The following SRPK1 variants were observed in gnomAD, a reference collection of about 807,000 sequenced individuals.
SRPK1 encodes the protein SRSF protein kinase 1.
Under a neutral mutation model 89.5 loss-of-function variants are expected in SRPK1, and 52 were observed. The ratio of observed to expected loss-of-function variants is 0.58; its 90% CI spans 0.46 to 0.73. The LOEUF (loss-of-function observed/expected upper bound fraction) is 0.73. Among genes scored for constraint, SRPK1 ranks in the 30% least tolerant of loss-of-function variants. The pLI, the probability that SRPK1 is intolerant of heterozygous loss-of-function variation, is 0.00. For missense variants in SRPK1, 603 were observed against 780.6 expected (o/e 0.77, Z 2.71); for synonymous variants, 255 against 270.2 (o/e 0.94, Z 0.55).
chr6:35,905,928 A>C (rs1019493723), intron 2 of SRPK1, among the ~76,000 whole-genome samples: 4 of 152,212 alleles, frequency 2.6e-5, no homozygotes, highest in African/African-American at 9.7e-5. Context: ...TCACAGAAAA[A>C]GCATAGAAAC....
intron 5 of SRPK1, 120 bp downstream of exon 5, chr6:35,887,904 T>A (rs1770443425): frequency 1.5e-6 from 1 of 655,128 alleles, no homozygotes. Context: ...TCTTTAAGGT[T>A]ACTAGAACTT....
At chr6:35,885,298 C>CACACACAG (rs1276672274) in intron 6 of SRPK1, among the ~76,000 whole-genome samples, 67 of 113,180 alleles carry the variant, frequency 5.9e-4, no homozygotes, top group African/African-American at 7.6e-4. Context: ...CACACACACA[C>CACACACAG]AGAGAGAGAG....
intron 2 of SRPK1, among the ~76,000 whole-genome samples, chr6:35,892,272 T>C (rs942193679): frequency 6.6e-6 from 1 of 152,216 alleles, no homozygotes; most frequent in African/African-American, 2.4e-5. Flanking sequence ...ACAACTTTTG[T>C]GCACTGAGAA....
intron 6 of SRPK1, among the ~76,000 whole-genome samples, chr6:35,884,032 C>T (rs1280138065): frequency 6.6e-6 from 1 of 151,700 alleles, no homozygotes; most frequent in Non-Finnish European, 1.5e-5. Flanking sequence ...TGCACCCGGC[C>T]CACAAGGTTA....
At chr6:35,847,664 A>G (rs1769454773) in intron 13 of SRPK1, among the ~76,000 whole-genome samples, 1 of 152,172 alleles carries the variant, frequency 6.6e-6, no homozygotes, top group African/African-American at 2.4e-5. Flanking sequence ...AACCAAGAGA[A>G]CAATCCCATT....
At chr6:35,858,834 C>T (rs537430458) in intron 12 of SRPK1, among the ~76,000 whole-genome samples, 7 of 152,174 alleles carry the variant, frequency 4.6e-5, no homozygotes, top group Non-Finnish European at 7.4e-5. Flanking sequence ...TCCCAAATGA[C>T]GTAATGTAGC....
chr6:35,858,394 G>A (rs1309136323), intron 12 of SRPK1, among the ~76,000 whole-genome samples: 1 of 151,882 alleles, frequency 6.6e-6, no homozygotes, highest in Non-Finnish European at 1.5e-5. Context: ...AATGTTGAAA[G>A]TGCACATCAA....
intron 2 of SRPK1, among the ~76,000 whole-genome samples, chr6:35,914,605 C>T (rs1183805989): frequency 6.6e-6 from 1 of 152,132 alleles, no homozygotes; most frequent in East Asian, 1.9e-4. Context: ...CTCCACCTAT[C>T]ACCTAATATA....
intron 14 of SRPK1, among the ~76,000 whole-genome samples, chr6:35,841,216 T>A (rs1347286546): frequency 6.6e-6 from 1 of 152,160 alleles, no homozygotes; most frequent in African/African-American, 2.4e-5. Flanking sequence ...AACATGGGGC[T>A]TATATATACA....
intron 13 of SRPK1, among the ~76,000 whole-genome samples, chr6:35,850,111 A>C (rs1025253425): frequency 1.3e-5 from 2 of 152,168 alleles, no homozygotes; most frequent in Admixed American, 6.5e-5. Flanking sequence ...AAAGGGAAAA[A>C]GGAAATTTAG....
chr6:35,908,580 C>T (rs1015547594), intron 2 of SRPK1, among the ~76,000 whole-genome samples: 3 of 152,130 alleles, frequency 2.0e-5, no homozygotes, highest in Admixed American at 1.3e-4. Context: ...CAGTTTTATG[C>T]ATTCAGAAAG....
At chr6:35,880,162 T>C (rs1444542666) in intron 6 of SRPK1, among the ~76,000 whole-genome samples, 14 of 145,576 alleles carry the variant, frequency 9.6e-5, no homozygotes, top group Non-Finnish European at 4.5e-5. Context: ...GAGATATTAA[T>C]GAGGATAAAA....
At chr6:35,915,939 T>A (rs1418576346) in intron 2 of SRPK1, among the ~76,000 whole-genome samples, 2 of 123,440 alleles carry the variant, frequency 1.6e-5, no homozygotes, top group African/African-American at 6.4e-5. Context: ...ACCACTGAAC[T>A]CCAGCCTGGG....
chr6:35,907,833 C>T (rs1356671657), intron 2 of SRPK1, among the ~76,000 whole-genome samples: 1 of 132,494 alleles, frequency 7.5e-6, no homozygotes, highest in Non-Finnish European at 1.5e-5. Context: ...AATTGTAATC[C>T]CCACATCAGC....
intron 8 of SRPK1, among the ~76,000 whole-genome samples, chr6:35,872,236 T>G (rs547101598): frequency 1.3e-3 from 193 of 152,352 alleles, no homozygotes; most frequent in African/African-American, 4.5e-3. Context: ...AATGTTATCT[T>G]GTCCCTCTAC....
At chr6:35,882,161 T>C (rs7743898) in intron 6 of SRPK1, among the ~76,000 whole-genome samples, 40,369 of 117,532 alleles carry the variant, frequency 0.34, 5,929 homozygotes, top group South Asian at 0.46. Flanking sequence ...GTAGTAGTAG[T>C]AGCAGCAGCA....
At chr6:35,915,087 T>C in intron 2 of SRPK1, among the ~76,000 whole-genome samples, 1 of 151,918 alleles carries the variant, frequency 6.6e-6, no homozygotes, top group East Asian at 1.9e-4. Flanking sequence ...TGAGCCACTG[T>C]GCCCGGCCAA....
chr6:35,913,826 G>C (rs1015389203), intron 2 of SRPK1, among the ~76,000 whole-genome samples: 1 of 150,400 alleles, frequency 6.6e-6, no homozygotes, highest in African/African-American at 2.4e-5. Context: ...AAAAGAGAGA[G>C]AAAAAAGAAA....
At chr6:35,917,981 ATCT>A (rs1771149054) in intron 2 of SRPK1, among the ~76,000 whole-genome samples, 2 of 152,294 alleles carry the variant, frequency 1.3e-5, no homozygotes, top group South Asian at 4.1e-4. Flanking sequence ...TCTTCCTCAA[ATCT>A]TCTTCCTGAC....
Sources: gnomAD v4.1 joint callset for allele counts (sites outside exome capture counted in the v4.1 genomes callset) on GRCh38, gnomAD v4.1.1 for gene constraint, MANE v1.5 for transcripts, NCBI Gene and HGNC (gene_info 2026-07-23, HGNC 2026-07-21) for gene names.